The following FBXO6 variants were observed in gnomAD, a reference collection of about 807,000 sequenced individuals.
The protein encoded by FBXO6 is F-box protein 6, also known as F-box only protein 6.
A neutral mutation model predicts 25.0 loss-of-function variants in FBXO6; 13 were observed. The ratio of observed to expected loss-of-function variants is 0.52; its 90% CI spans 0.34 to 0.83. FBXO6 has a LOEUF of 0.83. FBXO6 is among the 40% of genes least tolerant of loss of function. FBXO6 has a pLI of 0.02. For synonymous variants in FBXO6, 138 were observed against 155.3 expected (o/e 0.89, Z 0.83); for missense variants, 370 against 380.2 (o/e 0.97, Z 0.22).
chr1:11,670,212 CA>C (rs767314286), intron 2 of FBXO6, among the ~76,000 whole-genome samples: 3,198 of 111,610 alleles, frequency 0.029, 45 homozygotes, highest in Non-Finnish European at 0.041. Flanking sequence ...GACTCCGTCT[CA>C]AAAAAAAAAA....
chr1:11,664,530 G>GC (rs959633682), intron 1 of FBXO6: 1 of 151,548 alleles, frequency 6.6e-6, no homozygotes, highest in African/African-American at 2.4e-5. Context: ...CAGGGGTGGG[G>GC]GGCGCGGGCG....
intron 1 of FBXO6, among the ~76,000 whole-genome samples, chr1:11,667,227 GT>G (rs987852275): frequency 3.3e-5 from 5 of 152,048 alleles, no homozygotes; most frequent in African/African-American, 1.2e-4. Flanking sequence ...CTCTCCTCAT[GT>G]GTAAGCAGAT....
At chr1:11,668,591 T>C in intron 1 of FBXO6, 65 bp from the exon 2 acceptor site, 1 of 1,571,080 alleles carries the variant, frequency 6.4e-7, no homozygotes, top group Non-Finnish European at 8.7e-7. Context: ...GTCCCTGGCC[T>C]GGTTCCCTGG....
chr1:11,666,037 C>CTTTTT (rs70983580), intron 1 of FBXO6, among the ~76,000 whole-genome samples: 10 of 97,372 alleles, frequency 1.0e-4, no homozygotes, highest in African/African-American at 1.9e-4. Context: ...TTTCTTTTCT[C>CTTTTT]TTTTTTTTTT....
Position 11,673,023 on chromosome 1 carries a change from G to C in FBXO6, c.510-254G>C, listed in dbSNP as rs1408016171. On this transcript the variant is annotated intron_variant, in intron 4 of 5. Coordinates refer to ENST00000376753, the MANE Select transcript of FBXO6 (RefSeq NM_018438.6). The surrounding 1 kb of genome is among the most constrained non-coding windows in gnomAD (Gnocchi z 4.3). ...CTGGAGGGGTCTTTTGATTTTTGAG[G>C]TCATATCTTTAGTAGGATGCCCAAA... Among the ~76,000 whole-genome samples, 3 of 152,206 alleles carry C rather than the reference G, an allele frequency of 2.0e-5. No homozygotes were observed.
chr1:11,670,236 G>A (rs1219846959), intron 2 of FBXO6, among the ~76,000 whole-genome samples: 1 of 149,776 alleles, frequency 6.7e-6, no homozygotes, highest in Non-Finnish European at 1.5e-5. Flanking sequence ...AAAGTGCCCT[G>A]GTGATTGCCT....
chr1:11,666,037 C>CTT (rs70983580), intron 1 of FBXO6, among the ~76,000 whole-genome samples: 472 of 97,282 alleles, frequency 4.9e-3, no homozygotes, highest in East Asian at 0.011. Flanking sequence ...TTTCTTTTCT[C>CTT]TTTTTTTTTT....
intron 1 of FBXO6, among the ~76,000 whole-genome samples, chr1:11,666,801 C>T (rs1209354214): frequency 6.6e-6 from 1 of 152,146 alleles, no homozygotes; most frequent in Non-Finnish European, 1.5e-5. Flanking sequence ...TGGGAGCCTT[C>T]AGAAGACCAT....
chr1:11,666,789 G>A (rs1237069650), intron 1 of FBXO6, among the ~76,000 whole-genome samples: 1 of 152,166 alleles, frequency 6.6e-6, no homozygotes, highest in Non-Finnish European at 1.5e-5. Flanking sequence ...TGTTTTCTGA[G>A]ATGGGAGCCT....
intron 1 of FBXO6, among the ~76,000 whole-genome samples, chr1:11,667,150 TG>T (rs913754400): frequency 3.9e-5 from 5 of 129,632 alleles, no homozygotes; most frequent in African/African-American, 8.6e-5. Flanking sequence ...TGTCTCGGGG[TG>T]GGGGGGAAGA....
intron 1 of FBXO6, among the ~76,000 whole-genome samples, chr1:11,666,840 G>A (rs547178536): frequency 1.1e-4 from 17 of 152,224 alleles, no homozygotes; most frequent in Non-Finnish European, 2.2e-4. Flanking sequence ...AGCCTCTATG[G>A]AAAATCAGAA....
At chr1:11,671,114 A>C (rs1209448966) in intron 2 of FBXO6, 152 bp from the exon 3 acceptor site, 6 of 951,442 alleles carry the variant, frequency 6.3e-6, no homozygotes, top group Non-Finnish European at 9.4e-6. Flanking sequence ...TTTGGTGTCC[A>C]CAGCCGCAGA....
intron 2 of FBXO6, among the ~76,000 whole-genome samples, chr1:11,670,225 A>C (rs1484737286): frequency 6.6e-6 from 1 of 151,510 alleles, no homozygotes. Flanking sequence ...AAAAAAAAAA[A>C]AAAGTGCCCT....
chr1:11,669,737 TACACACACAC>T (rs113558790), intron 2 of FBXO6, among the ~76,000 whole-genome samples: 14 of 138,944 alleles, frequency 1.0e-4, no homozygotes, highest in Non-Finnish European at 2.0e-4. Context: ...TACATATACA[TACACACACAC>T]ACACACACAC....
intron 1 of FBXO6, among the ~76,000 whole-genome samples, chr1:11,667,139 C>G (rs1640461713): frequency 6.6e-6 from 1 of 150,582 alleles, no homozygotes; most frequent in African/African-American, 2.5e-5. Flanking sequence ...AAGAGTGAAA[C>G]TGTCTCGGGG....
At chr1:11,671,533 C>T in intron 3 of FBXO6, 141 bp downstream of exon 3, 1 of 1,175,114 alleles carries the variant, frequency 8.5e-7, no homozygotes, top group South Asian at 1.5e-5. Context: ...TGCCCAGAGT[C>T]ACTGCTTCCT....
chr1:11,667,814 C>T (rs1640484598), intron 1 of FBXO6, among the ~76,000 whole-genome samples: 4 of 152,088 alleles, frequency 2.6e-5, no homozygotes, highest in South Asian at 4.1e-4. Context: ...ATATTCTGGC[C>T]GGGTACGGTG....
At chr1:11,665,101 G>A (rs1640373624) in intron 1 of FBXO6, among the ~76,000 whole-genome samples, 1 of 152,004 alleles carries the variant, frequency 6.6e-6, no homozygotes, top group Admixed American at 6.6e-5. Flanking sequence ...CTGGAGTGCA[G>A]TGGCATGATC....
Position 11,673,963 on chromosome 1 carries a change from C to G in FBXO6, c.*112C>G. The G allele has an allele frequency of 6.7e-6, 6 of 901,062 alleles. No homozygotes were observed. Among genetic ancestry groups the G allele is most frequent in the Non-Finnish European group, 1.1e-5 (6 of 559,856 alleles). The allele number at this position is 901,062 out of a possible 1,614,324, so 55.8% of individuals were successfully genotyped here. ...CGACTCCTGCCCCGGTTCAACCCTACCAGCTTGTGGTAACTTACTGTCACA... is the reference window on the plus strand; with the variant it reads ...CGACTCCTGCCCCGGTTCAACCCTAGCAGCTTGTGGTAACTTACTGTCACA... On this transcript the variant is annotated 3_prime_UTR_variant, in exon 6 of 6. Transcript: ENST00000376753. This position sits in a 1 kb window ranked among gnomAD's most constrained non-coding sequence, Gnocchi z 4.3.
Sources: gnomAD v4.1 joint callset for allele counts (sites outside exome capture counted in the v4.1 genomes callset) on GRCh38, gnomAD v4.1.1 for gene constraint, Gnocchi (gnomAD v3.1) non-coding constraint, MANE v1.5 for transcripts, NCBI Gene and HGNC (gene_info 2026-07-23, HGNC 2026-07-21) for gene names.